Variants in TICRR observed in about 807,000 individuals in gnomAD.
The protein encoded by TICRR is treslin.
Under a neutral mutation model 178.1 loss-of-function variants are expected in TICRR, and 132 were observed. The observed-to-expected ratio is 0.74, with a 90% CI of 0.64 to 0.86. The LOEUF (loss-of-function observed/expected upper bound fraction) is 0.86. Ranked by LOEUF, TICRR falls within the 40% of genes least tolerant of loss-of-function variation. The pLI is 0.00. For missense variants in TICRR, 2,587 were observed against 2,334.3 expected (o/e 1.11, Z -2.23); for synonymous variants, 991 against 900.7 (o/e 1.10, Z -1.79).
intron 12 of TICRR, among the ~76,000 whole-genome samples, chr15:89,602,296 T>C (rs1963111642): frequency 6.6e-6 from 1 of 152,212 alleles, no homozygotes. Context: ...TTCATTTATG[T>C]ATATTTTTTC....
chr15:89,609,776 T>C (rs1475126149), intron 15 of TICRR, among the ~76,000 whole-genome samples: 2 of 152,060 alleles, frequency 1.3e-5, no homozygotes, highest in Non-Finnish European at 2.9e-5. Context: ...CTGGCCTCTA[T>C]TGGTTTTCTA....
At position 89,625,713 on chromosome 15, in the gene TICRR, G is replaced by T. The variant is rs756678166; in HGVS notation, c.5403G>T (p.Lys1801Asn). Residue 1801 changes from lysine to asparagine, a missense_variant, in exon 20 of 22, where the codon AAG becomes AAT. Transcript: ENST00000268138. ...CDLREDSEVS[K>N]SKEGSPSWSA... ...TGAGAGAAGATTCAGAAGTTAGTAA[G>T]AGTAAAGAGGGGTCTCCAAGTTGGA... The T allele has an allele frequency of 7.4e-6, 12 of 1,612,990 alleles. No individual in the cohort carries two copies. Among genetic ancestry groups the T allele is most frequent in the Non-Finnish European group, 1.0e-5 (12 of 1,179,752 alleles).
chr15:89,576,117 G>T lies in TICRR; in HGVS notation c.531G>T (p.Gln177His). 1 of 1,610,962 alleles carries T rather than the reference G, an allele frequency of 6.2e-7. No homozygotes were observed. The change falls in exon 1 of 22, where the codon CAG (glutamine) becomes CAT (histidine). Residue 177 changes from glutamine to histidine, a missense_variant. Transcript: ENST00000268138. ...AGTTCGTGTCTGGGTGCGAGGCCCA[G>T]GCCCAGCGCCTGCCGCCCACCCCTA... ...LLQFVSGCEA[Q>H]AQRLPPTPKQ...
Position 89,616,436 on chromosome 15 carries a change from C to T in TICRR, c.2901C>T (p.Ala967=), listed in dbSNP as rs781413048. The change falls in exon 16 of 22, where the codon GCC becomes GCT. Residue 967 remains alanine (A), a synonymous_variant. Transcript: ENST00000268138. ...ACAAACTGCTGACTAAGAGTGTGGC[C>T]GAGACTCCAGTGCATAAGCAGATCT... ...GYHKLLTKSV[A]ETPVHKQISK... is the part of the protein sequence containing the mutation. The T allele has an allele frequency of 5.3e-5, 86 of 1,613,770 alleles. No homozygotes were observed. Among genetic ancestry groups the T allele is most frequent in the Non-Finnish European group, 6.8e-5 (80 of 1,179,906 alleles).
intron 1 of TICRR, among the ~76,000 whole-genome samples, chr15:89,579,187 T>C (rs1259867336): frequency 1.3e-5 from 2 of 152,206 alleles, no homozygotes; most frequent in East Asian, 3.8e-4. Flanking sequence ...TGCTAAGGAA[T>C]CAAATAGATG....
intron 16 of TICRR, among the ~76,000 whole-genome samples, chr15:89,617,245 C>T (rs543881781): frequency 7.2e-5 from 11 of 152,186 alleles, no homozygotes; most frequent in Non-Finnish European, 1.5e-4. Flanking sequence ...CGACATTATT[C>T]GTATATGGAT....
chr15:89,614,130 G>A (rs932099150), intron 15 of TICRR, among the ~76,000 whole-genome samples: 1 of 151,724 alleles, frequency 6.6e-6, no homozygotes, highest in Non-Finnish European at 1.5e-5. Flanking sequence ...CTCCAGCCTG[G>A]GCAACAGAGC....
chr15:89,608,919 G>A lies in TICRR; in HGVS notation c.2839G>A (p.Asp947Asn). ...HSVSAVDGLE[D>N]KLDNFKKNKG... The stretch of plus-strand genomic sequence containing the variant: ...TGTGTCAGCTGTGGATGGTCTAGAG[G>A]ATAAACTTGACAACTTCAAGAAGAA... The change falls in exon 15 of 22, where the codon GAT (aspartate) becomes AAT (asparagine). Residue 947 changes from aspartate to asparagine, a missense_variant. Asp to Asn is a conservative substitution (Grantham distance 23, BLOSUM62 1). Coordinates refer to ENST00000268138, the MANE Select transcript of TICRR (RefSeq NM_152259.4). 1 of 1,601,292 alleles carries A rather than the reference G, an allele frequency of 6.2e-7. No homozygotes were observed. The highest frequency in any genetic ancestry group is 8.5e-7 in the Non-Finnish European group (1 of 1,176,444).
chr15:89,622,927 T>A (rs1963450492), intron 19 of TICRR, among the ~76,000 whole-genome samples: 1 of 152,214 alleles, frequency 6.6e-6, no homozygotes, highest in Non-Finnish European at 1.5e-5. Context: ...CATGTCCCTG[T>A]CACTGCACCA....
chr15:89,612,090 T>TAG (rs1359606233), intron 15 of TICRR, among the ~76,000 whole-genome samples: 1 of 152,226 alleles, frequency 6.6e-6, no homozygotes, highest in Non-Finnish European at 1.5e-5. Flanking sequence ...TATAATGTGG[T>TAG]AACTGCATGG....
Position 89,627,161 on chromosome 15 carries a change from G to T in TICRR, c.*75G>T. The T allele has an allele frequency of 6.4e-7, 1 of 1,572,938 alleles. No individual in the cohort carries two copies. Among genetic ancestry groups the T allele is most frequent in the Non-Finnish European group, 8.7e-7 (1 of 1,152,118 alleles). On this transcript the variant is annotated 3_prime_UTR_variant, in exon 22 of 22. Transcript: ENST00000268138. ...TGGACATAAAGAAGTTGGATGCCTGGTCCCAAGCCTCTTTTGCCATGGTCA... is the reference window on the plus strand; with the variant it reads ...TGGACATAAAGAAGTTGGATGCCTGTTCCCAAGCCTCTTTTGCCATGGTCA...
Position 89,619,586 on chromosome 15 carries a change from T to C in TICRR, c.3020-122T>C, listed in dbSNP as rs572853237. The C allele has an allele frequency of 3.9e-6, 4 of 1,025,636 alleles. No individual in the cohort carries two copies. The African/African-American group carries it at 4.8e-5, about 12-fold the overall frequency. 63.5% of individuals were successfully genotyped at this position (1,025,636 alleles called of 1,614,324 possible). On this transcript the variant is annotated intron_variant, in intron 17 of 21. Coordinates refer to ENST00000268138, the MANE Select transcript of TICRR (RefSeq NM_152259.4). ...CACTTCAGAAGTCTCTTAAAGCTAATAGCTTGCTGAATTTCCATCTTATAT... is the reference window on the plus strand; with the variant it reads ...CACTTCAGAAGTCTCTTAAAGCTAACAGCTTGCTGAATTTCCATCTTATAT...
intron 1 of TICRR, among the ~76,000 whole-genome samples, chr15:89,576,885 A>G (rs1413079146): frequency 1.4e-5 from 2 of 145,878 alleles, no homozygotes; most frequent in East Asian, 4.0e-4. Context: ...ATATATACAC[A>G]TTTATTTATA....
At chr15:89,597,449 C>T (rs1021129139) in intron 7 of TICRR, among the ~76,000 whole-genome samples, 3 of 150,692 alleles carry the variant, frequency 2.0e-5, no homozygotes, top group African/African-American at 7.3e-5. Flanking sequence ...CGCTTGATCC[C>T]GGGAGACAGA....
chr15:89,576,403 A>G (rs895879335), intron 1 of TICRR, among the ~76,000 whole-genome samples, 163 bp downstream of exon 1: 6 of 152,080 alleles, frequency 3.9e-5, no homozygotes, highest in Non-Finnish European at 7.4e-5. Context: ...TCACAACAAA[A>G]TGGGTAGTTC....
Position 89,592,092 on chromosome 15 carries a change from C to T in TICRR, c.1457C>T (p.Thr486Ile), listed in dbSNP as rs780981403. 1.2e-6 allele frequency: 2 copies of T among 1,612,638 alleles called. No homozygotes were observed. Among genetic ancestry groups the T allele is most frequent in the East Asian group, 2.2e-5 (1 of 44,886 alleles). The change falls in exon 5 of 22, where the codon ACT (threonine) becomes ATT (isoleucine). Residue 486 changes from threonine (T) to isoleucine (I), a missense_variant. Physicochemically the swap from Thr to Ile is moderately conservative, Grantham distance 89 (BLOSUM62 -1). Coordinates refer to ENST00000268138, the MANE Select transcript of TICRR (RefSeq NM_152259.4). Reference sequence around the variant, plus strand: ...GCCCAGCAGGAGCTTGGCCACACCACTCCCTGGAGTCCAGCTGTTGTGGAA... The same window carrying T: ...GCCCAGCAGGAGCTTGGCCACACCATTCCCTGGAGTCCAGCTGTTGTGGAA... The part of the protein sequence containing the change: ...EWAQQELGHT[T>I]PWSPAVVEKW...
At chr15:89,619,221 C>CTCTTT (rs775020405) in intron 17 of TICRR, among the ~76,000 whole-genome samples, 1 of 112,006 alleles carries the variant, frequency 8.9e-6, no homozygotes, top group Non-Finnish European at 1.7e-5. Flanking sequence ...CACCATTCTT[C>CTCTTT]TTTTTTTTTT....
rs761340130 is a variant in TICRR at position 89,625,477 on chromosome 15, C to A, written c.5167C>A (p.His1723Asn). Residue 1723 changes from histidine (H) to asparagine (N), a missense_variant, in exon 20 of 22, where the codon CAC (histidine) becomes AAC (asparagine). Transcript: ENST00000268138. Reference protein sequence around the residue: ...LSLLESEGKDHGLELSIHRTP... With the variant: ...LSLLESEGKDNGLELSIHRTP... ...ACTGCTTGAGTCAGAGGGCAAGGAC[C>A]ACGGCCTTGAACTCAGCATCCACAG... is the stretch of plus-strand genomic sequence containing the variant. The A allele has an allele frequency of 6.2e-7, 1 of 1,613,912 alleles. No individual in the cohort carries two copies. Among genetic ancestry groups the A allele is most frequent in the Admixed American group, 1.7e-5 (1 of 60,022 alleles).
Position 89,625,531 on chromosome 15 carries a change from G to A in TICRR, c.5221G>A (p.Glu1741Lys), listed in dbSNP as rs756091129. 1.4e-5 allele frequency: 22 copies of A among 1,613,538 alleles called. No homozygotes were observed. Among genetic ancestry groups the A allele is most frequent in the East Asian group, 2.2e-5 (1 of 44,826 alleles). Residue 1741 changes from glutamate (E) to lysine (K), a missense_variant, in exon 20 of 22, where the codon GAG becomes AAG. Physicochemically the swap from Glu to Lys is moderately conservative, Grantham distance 56. Coordinates refer to ENST00000268138, the MANE Select transcript of TICRR (RefSeq NM_152259.4). The stretch of plus-strand genomic sequence containing the variant: ...GCCCATCTTGGAGGATTTTGAGCTC[G>A]AGGGAGTGTGCCAGCTCCCAGACCA... ...RTPILEDFEL[E>K]GVCQLPDQSP...
Sources: allele counts gnomAD v4.1 joint callset (sites outside exome capture counted in the v4.1 genomes callset), GRCh38; gene constraint gnomAD v4.1.1; transcripts MANE v1.5; gene names NCBI Gene and HGNC (gene_info 2026-07-23, HGNC 2026-07-21).